Variants in ANO4 observed in about 807,000 individuals in gnomAD.
The protein encoded by ANO4 is anoctamin 4, also known as anoctamin-4.
In ANO4, 69 loss-of-function variants were observed where a neutral mutation model predicts 141.9. The observed-to-expected ratio is 0.49, with a 90% CI of 0.40 to 0.59. The LOEUF is 0.59. Ranked by LOEUF, ANO4 falls within the 20% of genes least tolerant of loss-of-function variation. ANO4 has a pLI of 0.00. For missense variants in ANO4, 894 were observed against 1,162.2 expected, an observed-to-expected ratio of 0.77 and a Z score of 3.36; for synonymous variants, 350 against 394.3, an observed-to-expected ratio of 0.89 and a Z score of 1.33.
rs185494683 is a variant in ANO4, at chr12:100,971,886, A to T, written c.557+480A>T. Among the ~76,000 whole-genome samples, 727 of 152,106 alleles carry T rather than the reference A, an allele frequency of 4.8e-3. 10 individuals are homozygous for T. The highest frequency in any genetic ancestry group is 0.017 in the African/African-American group (709 of 41,548). On this transcript the variant is annotated intron_variant, in intron 6 of 27. Transcript: ENST00000392977. ...AAAAACAAAAAAAACCACTTTTTTTAATTTTAAAAAGTCATAAATACTTTG... is the reference window on the plus strand; with the variant it reads ...AAAAACAAAAAAAACCACTTTTTTTTATTTTAAAAAGTCATAAATACTTTG...
intron 3 of ANO4, among the ~76,000 whole-genome samples, chr12:100,767,392 T>G (rs1480919069): frequency 6.6e-6 from 1 of 152,240 alleles, no homozygotes; most frequent in African/African-American, 2.4e-5. Flanking sequence ...TTTTCATCTT[T>G]TCCTTTAAAG....
At chr12:100,732,866 A>G (rs921304502) in intron 1 of ANO4, among the ~76,000 whole-genome samples, 5 of 152,190 alleles carry the variant, frequency 3.3e-5, no homozygotes, top group African/African-American at 1.2e-4. Context: ...AAATGCTGAT[A>G]TGCAATGCAC....
intron 22 of ANO4, among the ~76,000 whole-genome samples, chr12:101,103,341 C>G (rs1181206099): frequency 1.3e-5 from 2 of 150,022 alleles, no homozygotes; most frequent in Non-Finnish European, 3.0e-5. Flanking sequence ...CAATATGTTA[C>G]CATTAAGTGT....
chr12:100,992,155 A>G (rs149548797), intron 8 of ANO4, among the ~76,000 whole-genome samples: 210 of 152,344 alleles, frequency 1.4e-3, no homozygotes, highest in African/African-American at 4.7e-3. Context: ...TACTCTTGTC[A>G]CCACCAATCC....
intron 3 of ANO4, among the ~76,000 whole-genome samples, chr12:100,753,389 G>GGCCTTTA (rs2032468752): frequency 1.3e-5 from 2 of 152,070 alleles, no homozygotes; most frequent in Non-Finnish European, 2.9e-5. Context: ...TTTTTCAAGT[G>GGCCTTTA]GGCTCAGATC....
At chr12:100,845,636 A>G (rs2037519698) in intron 1 of ANO4, among the ~76,000 whole-genome samples, 1 of 152,198 alleles carries the variant, frequency 6.6e-6, no homozygotes. Flanking sequence ...TGGCTACATA[A>G]TCATATAAAT....
intron 3 of ANO4, among the ~76,000 whole-genome samples, chr12:100,776,653 A>C (rs1301506365): frequency 1.3e-5 from 2 of 152,180 alleles, no homozygotes; most frequent in African/African-American, 2.4e-5. Flanking sequence ...TAGTCTAAGG[A>C]TTAATTGACT....
At chr12:100,751,591 T>G (rs1443068925) in intron 3 of ANO4, among the ~76,000 whole-genome samples, 1 of 152,144 alleles carries the variant, frequency 6.6e-6, no homozygotes, top group Non-Finnish European at 1.5e-5. Context: ...TGGCTCACTT[T>G]CCTTGTCCCA....
intron 1 of ANO4, among the ~76,000 whole-genome samples, chr12:100,733,090 T>G (rs951774445): frequency 2.0e-5 from 3 of 152,198 alleles, no homozygotes; most frequent in Non-Finnish European, 2.9e-5. Flanking sequence ...TACTCTCATC[T>G]CAGTGTCCTC....
chr12:100,973,188 CTTG>C (rs2044005945), intron 6 of ANO4, among the ~76,000 whole-genome samples: 1 of 152,202 alleles, frequency 6.6e-6, no homozygotes, highest in Non-Finnish European at 1.5e-5. Context: ...CATGGCTTCA[CTTG>C]TTGTAACCTG....
At chr12:100,942,235 T>C (rs1592786457) in intron 4 of ANO4, 142 bp from the exon 5 acceptor site, 1 of 863,404 alleles carries the variant, frequency 1.2e-6, no homozygotes, top group East Asian at 2.8e-5. Flanking sequence ...CGCCTCGGCC[T>C]CCCAAAGTGC....
intron 1 of ANO4, among the ~76,000 whole-genome samples, chr12:100,889,147 TG>T (rs2039982861): frequency 6.6e-6 from 1 of 151,648 alleles, no homozygotes; most frequent in African/African-American, 2.4e-5. Context: ...TTTTTGTCCT[TG>T]CGATAGTTTA....
intron 3 of ANO4, among the ~76,000 whole-genome samples, chr12:100,925,491 G>A (rs986579632): frequency 5.3e-5 from 8 of 150,636 alleles, no homozygotes; most frequent in African/African-American, 1.7e-4. Flanking sequence ...TCCATGTCCT[G>A]TCGGGGGGTG....
rs1032702698 is a variant in ANO4 at position 100,730,332 on chromosome 12, A to C, written c.23-3442A>C. Among the ~76,000 whole-genome samples the C allele has an allele frequency of 2.4e-4, 36 of 152,010 alleles. 1 individual carries two copies. On this transcript the variant is annotated intron_variant, in intron 1 of 29. Coordinates refer to the ANO4 transcript ENST00000644049. Reference sequence around the variant, plus strand: ...TCCCCTGCCCCCCAAGAGTGAGATAAGCACTATTGTTACCATTTGCAGGTG... The same window carrying C: ...TCCCCTGCCCCCCAAGAGTGAGATACGCACTATTGTTACCATTTGCAGGTG...
chr12:100,762,027 G>T (rs938947590), intron 3 of ANO4, among the ~76,000 whole-genome samples: 5 of 152,138 alleles, frequency 3.3e-5, no homozygotes, highest in African/African-American at 1.2e-4. Context: ...AGCACACAGA[G>T]GCTTTATTAT....
chr12:100,777,699 T>G (rs1265340556), intron 3 of ANO4, among the ~76,000 whole-genome samples: 1 of 152,148 alleles, frequency 6.6e-6, no homozygotes, highest in African/African-American at 2.4e-5. Flanking sequence ...ATTTATAAAT[T>G]TAATCTTCAT....
intron 1 of ANO4, among the ~76,000 whole-genome samples, chr12:100,876,278 CAAAA>C (rs79799106): frequency 1.1e-5 from 1 of 91,944 alleles, no homozygotes; most frequent in African/African-American, 4.0e-5. Context: ...ATATAAAGAC[CAAAA>C]AAAAAAAAAA....
intron 3 of ANO4, among the ~76,000 whole-genome samples, chr12:100,782,172 T>TGA (rs2033730231): frequency 6.6e-6 from 1 of 152,216 alleles, no homozygotes; most frequent in South Asian, 2.1e-4. Context: ...ATCTCCACTC[T>TGA]TCACTATTTC....
chr12:101,114,093 T>C (rs2050762968), intron 24 of ANO4, among the ~76,000 whole-genome samples: 1 of 152,172 alleles, frequency 6.6e-6, no homozygotes, highest in Non-Finnish European at 1.5e-5. Flanking sequence ...TGGGTCACAG[T>C]GAGGGTATAT....
Sources: gnomAD v4.1 joint callset for allele counts (sites outside exome capture counted in the v4.1 genomes callset) on GRCh38, gnomAD v4.1.1 for gene constraint, MANE v1.5 for transcripts, NCBI Gene and HGNC (gene_info 2026-07-23, HGNC 2026-07-21) for gene names.